The following ADAM17 variants were observed in gnomAD, a reference collection of about 807,000 sequenced individuals.
The protein encoded by ADAM17 is ADAM metallopeptidase domain 17.
Under a neutral mutation model 96.7 loss-of-function variants are expected in ADAM17, and 39 were observed. The observed-to-expected ratio is 0.40, with a 90% CI of 0.31 to 0.53. The LOEUF (loss-of-function observed/expected upper bound fraction) is 0.53, where lower values mean the gene tolerates loss of function less well. Ranked by LOEUF, ADAM17 falls within the 20% of genes least tolerant of loss-of-function variation. ADAM17 has a pLI of 0.44. For missense variants in ADAM17, 777 were observed against 1,013.2 expected, an observed-to-expected ratio of 0.77 and a Z score of 3.17; for synonymous variants, 344 against 359.2, an observed-to-expected ratio of 0.96 and a Z score of 0.48.
intron 6 of ADAM17, 155 bp from the exon 7 acceptor site, chr2:9,523,493 T>C: frequency 4.9e-6 from 3 of 609,900 alleles, no homozygotes; most frequent in East Asian, 5.7e-5. Context: ...TGTTACTGTA[T>C]CAGAGTATTC....
At chr2:9,493,262 GCTA>G (rs1018359524) in intron 16 of ADAM17, among the ~76,000 whole-genome samples, 5 of 152,180 alleles carry the variant, frequency 3.3e-5, no homozygotes, top group Admixed American at 2.6e-4. Flanking sequence ...AATATGGAAT[GCTA>G]CTACTAGTAA....
chr2:9,521,813 G>GCTCACAC (rs1215390189), intron 7 of ADAM17: 1 of 97,156 alleles, frequency 1.0e-5, no homozygotes, highest in African/African-American at 3.6e-5. Context: ...AGGAAACCAT[G>GCTCACAC]CTCAGCTCAG....
At chr2:9,553,508 T>C (rs1031977828) in intron 1 of ADAM17, among the ~76,000 whole-genome samples, 6 of 151,498 alleles carry the variant, frequency 4.0e-5, no homozygotes, top group African/African-American at 1.5e-4. Context: ...ACCCCATCTC[T>C]ACTAAAAATA....
In ADAM17 at chr2:9,536,736, G is replaced by A. The variant is rs752645542; in HGVS notation, c.323C>T (p.Thr108Ile). 6.2e-7 allele frequency: 1 copy of A among 1,614,054 alleles called. No homozygotes were observed. The highest frequency in any genetic ancestry group is 8.5e-7 in the Non-Finnish European group (1 of 1,179,980). The stretch of plus-strand genomic sequence containing the variant: ...AGTGAAGAAGTCCTGCCATTTTACA[G>A]TGTACTCGCTTTCGTTTTTACCATC... ...VVDGKNESEY[T>I]VKWQDFFTGH... is the part of the protein sequence containing the mutation. Residue 108 changes from threonine (T) to isoleucine (I), a missense_variant, in exon 3 of 19, where the codon ACT becomes ATT. Thr to Ile is a moderately conservative substitution (Grantham distance 89, BLOSUM62 -1). Around this residue, in one of 3 missense-constraint regions of ADAM17, gnomAD observed 134 missense variants for 129.1 expected, o/e 1.04. Transcript: ENST00000310823.
chr2:9,498,129 C>T (rs767342712), intron 13 of ADAM17, among the ~76,000 whole-genome samples: 17 of 152,210 alleles, frequency 1.1e-4, no homozygotes, highest in Non-Finnish European at 2.2e-4. Context: ...TCCTAGGTTC[C>T]GGCAATCCTC....
At chr2:9,508,245 G>C (rs17590793) in intron 11 of ADAM17, among the ~76,000 whole-genome samples, 87,384 of 152,022 alleles carry the variant, frequency 0.57, 26,346 homozygotes, top group African/African-American at 0.68. Flanking sequence ...ATATTTTACA[G>C]TTTCTATTAC....
At chr2:9,505,606 C>T (rs370864066) in intron 11 of ADAM17, 8 of 505,078 alleles carry the variant, frequency 1.6e-5, no homozygotes, top group Admixed American at 9.7e-5. Context: ...ATTCTTCTTA[C>T]GAAGGTAAGC....
At chr2:9,549,845 T>C (rs1665528404) in intron 1 of ADAM17, among the ~76,000 whole-genome samples, 1 of 152,164 alleles carries the variant, frequency 6.6e-6, no homozygotes, top group African/African-American at 2.4e-5. Context: ...TAATTTCTTT[T>C]ATTTTTTCAG....
chr2:9,493,712 C>G (rs1454472547), intron 16 of ADAM17, 35 bp downstream of exon 16: 1 of 1,567,096 alleles, frequency 6.4e-7, no homozygotes, highest in South Asian at 1.1e-5. Flanking sequence ...GAAATTGACT[C>G]AGCTCTCAGT....
intron 2 of ADAM17, among the ~76,000 whole-genome samples, chr2:9,542,648 C>A (rs1245719633): frequency 6.6e-6 from 1 of 152,122 alleles, no homozygotes; most frequent in African/African-American, 2.4e-5. Context: ...AACACCTCTG[C>A]AATATCTATT....
chr2:9,523,881 T>C (rs986447560), intron 6 of ADAM17, among the ~76,000 whole-genome samples: 2 of 151,880 alleles, frequency 1.3e-5, no homozygotes, highest in Admixed American at 1.3e-4. Flanking sequence ...TGATTTTCTT[T>C]TTTTTTTTTC....
intron 4 of ADAM17, 71 bp from the exon 5 acceptor site, chr2:9,528,025 T>C: frequency 9.3e-7 from 1 of 1,069,874 alleles, no homozygotes; most frequent in South Asian, 2.6e-5. Context: ...TCTTCTAACA[T>C]TCTTTGCTTG....
chr2:9,514,556 TATATATATATATAA>T (rs1201073065), intron 10 of ADAM17, among the ~76,000 whole-genome samples: 5 of 48,406 alleles, frequency 1.0e-4, no homozygotes, highest in Non-Finnish European at 1.3e-4. Context: ...TATATATATA[TATATATATATATAA>T]ATAAAAAGAG....
At position 9,523,315 on chromosome 2, in the gene ADAM17, A is replaced by G. The variant is rs146893995; in HGVS notation, c.777T>C (p.Asp259=). ...CCCATGAAGTGTTCCGATAGATGTC[A>G]TCAACTCTGTCAATTAGCTCTATCT... ...NYLIELIDRV[D]DIYRNTSWDN... Residue 259 remains aspartate (D), a synonymous_variant, in exon 7 of 19, where the codon GAT becomes GAC. Transcript: ENST00000310823. The G allele has an allele frequency of 8.2e-5, 132 of 1,612,810 alleles. No homozygotes were observed. The highest frequency in any genetic ancestry group is 1.1e-4 in the Non-Finnish European group (128 of 1,179,336).
rs34525911 is a variant in ADAM17 at position 9,489,259 on chromosome 2, A to ATTTTTTTTTTTTTTTTTTTTTTTTTT, written c.*917_*918insAAAAAAAAAAAAAAAAAAAAAAAAAA. ...AATATTCTAGGTTTGTAGATAGTGA[A>ATTTTTTTTTTTTTTTTTTTTTTTTTT]TTTTTTTTTTTTTTTTTTTTTTTTG... On this transcript the variant is annotated 3_prime_UTR_variant, in exon 19 of 19. Coordinates refer to ENST00000310823, the MANE Select transcript of ADAM17 (RefSeq NM_003183.6). 8 of 87,396 alleles carry ATTTTTTTTTTTTTTTTTTTTTTTTTT rather than the reference A, an allele frequency of 9.2e-5. No individual in the cohort carries two copies. Among genetic ancestry groups the ATTTTTTTTTTTTTTTTTTTTTTTTTT allele is most frequent in the African/African-American group, 5.2e-4 (8 of 15,526 alleles). 5.4% of individuals were successfully genotyped at this position (87,396 alleles called of 1,614,324 possible).
chr2:9,522,536 A>G, intron 7 of ADAM17: 1 of 493,234 alleles, frequency 2.0e-6, no homozygotes, highest in South Asian at 3.6e-5. Context: ...ATTTATAAAC[A>G]TGGTGAATGA....
intron 1 of ADAM17, among the ~76,000 whole-genome samples, chr2:9,554,177 C>T (rs1446013683): frequency 6.6e-6 from 1 of 152,110 alleles, no homozygotes; most frequent in Non-Finnish European, 1.5e-5. Flanking sequence ...TTATTTTTAC[C>T]TACGAACAAC....
At position 9,514,568 on chromosome 2, in the gene ADAM17, T is replaced by TATAA. The variant is rs1558510006; in HGVS notation, c.1191+3332_1191+3333insTTAT. The stretch of plus-strand genomic sequence containing the variant: ...ATATATATATATATATATATATATA[T>TATAA]AAATAAAAAGAGACAGGGTCTCAGG... On this transcript the variant is annotated intron_variant, in intron 10 of 18. Coordinates refer to ENST00000310823, the MANE Select transcript of ADAM17 (RefSeq NM_003183.6). 9.5e-4 allele frequency among the ~76,000 whole-genome samples: 96 copies of TATAA among 100,528 alleles called. 2 individuals carry two copies. The highest frequency in any genetic ancestry group is 1.7e-3 in the Non-Finnish European group (82 of 49,426). 66.0% of individuals were successfully genotyped at this position (100,528 alleles called of 152,430 possible). A position where few individuals can be genotyped will look rare whatever the true frequency, so the allele number is the denominator to read the frequency against.
At chr2:9,497,699 T>C (rs1433763450) in intron 13 of ADAM17, among the ~76,000 whole-genome samples, 1 of 152,156 alleles carries the variant, frequency 6.6e-6, no homozygotes, top group Non-Finnish European at 1.5e-5. Context: ...ACAGATACTA[T>C]TCCTTCTACC....
Sources: gnomAD v4.1 joint callset for allele counts (sites outside exome capture counted in the v4.1 genomes callset) on GRCh38, gnomAD v4.1.1 for gene constraint, gnomAD v4.1.1 regional missense constraint, MANE v1.5 for transcripts, NCBI Gene and HGNC (gene_info 2026-07-23, HGNC 2026-07-21) for gene names.